MTFMT: variants seen among roughly 807,000 people sequenced by gnomAD.
MTFMT encodes the protein methionyl-tRNA formyltransferase, mitochondrial.
A neutral mutation model predicts 51.8 loss-of-function variants in MTFMT; 47 were observed. The ratio of observed to expected loss-of-function variants is 0.91; its 90% CI spans 0.72 to 1.16. MTFMT has a LOEUF of 1.16. Among genes scored for constraint, MTFMT ranks in the 50% most tolerant of loss-of-function variants. MTFMT has a pLI of 0.00. For missense variants in MTFMT, 512 were observed against 482.3 expected (o/e 1.06, Z -0.58); for synonymous variants, 196 against 176.7 (o/e 1.11, Z -0.87).
intron 2 of MTFMT, 102 bp downstream of exon 2, chr15:65,026,729 T>C: frequency 3.3e-6 from 3 of 915,520 alleles, no homozygotes; most frequent in Non-Finnish European, 4.9e-6. Flanking sequence ...AAAAAGAAAA[T>C]ATTACAGAAA....
Position 65,003,084 on chromosome 15 carries a change from G to C in MTFMT, c.1148C>G (p.Ala383Gly), listed in dbSNP as rs767859552. ...PTKKKQKKTV[A>G]MQQCIE ...TAACTACTCAATGCATTGTTGCATA[G>C]CAACAGTTTTTTTCTGCTTCTTCTT... Residue 383 changes from alanine to glycine, a missense_variant, in exon 9 of 9, where the codon GCT (alanine) becomes GGT (glycine). Transcript: ENST00000220058. The C allele has an allele frequency of 4.4e-6, 7 of 1,602,730 alleles. No homozygotes were observed. Among genetic ancestry groups the C allele is most frequent in the Non-Finnish European group, 6.0e-6 (7 of 1,174,124 alleles).
chr15:65,016,618 T>C (rs2086324374), intron 5 of MTFMT, 91 bp from the exon 6 acceptor site: 1 of 719,422 alleles, frequency 1.4e-6, no homozygotes, highest in African/African-American at 1.8e-5. Flanking sequence ...TACCAGAGAA[T>C]TCATTCTAAC....
At chr15:65,010,748 T>C (rs1012119819) in intron 6 of MTFMT, among the ~76,000 whole-genome samples, 2 of 152,244 alleles carry the variant, frequency 1.3e-5, no homozygotes, top group African/African-American at 2.4e-5. Context: ...GGTCATAAGA[T>C]ACTTCTGTGT....
chr15:65,012,601 T>C (rs1265099858), intron 6 of MTFMT, among the ~76,000 whole-genome samples: 1 of 152,146 alleles, frequency 6.6e-6, no homozygotes. Flanking sequence ...GGTTTCACCA[T>C]GTTGGCCAGG....
At chr15:65,009,970 T>G (rs920234018) in intron 6 of MTFMT, among the ~76,000 whole-genome samples, 14 of 152,084 alleles carry the variant, frequency 9.2e-5, no homozygotes, top group African/African-American at 3.1e-4. Flanking sequence ...CTAACTGACC[T>G]CCACTCCACT....
chr15:65,021,415 T>C lies in MTFMT; in HGVS notation c.645+99A>G, dbSNP rs78247522. 0.014 allele frequency: 11,659 copies of C among 855,896 alleles called. 589 individuals carry two copies. Among genetic ancestry groups the C allele is most frequent in the South Asian group, 0.12 (7,534 of 64,468 alleles). The allele number at this position is 855,896 out of a possible 1,614,324, so 53.0% of individuals were successfully genotyped here. ...AAGATAGAAATTACTCTTTTTTGTT[T>C]TTAAGAAAATTAGAAGTCACAAAAT... On this transcript the variant is annotated intron_variant, in intron 4 of 8. Coordinates refer to ENST00000220058, the MANE Select transcript of MTFMT (RefSeq NM_139242.4).
chr15:65,028,582 A>G (rs959309962), intron 1 of MTFMT, among the ~76,000 whole-genome samples: 5 of 152,118 alleles, frequency 3.3e-5, no homozygotes, highest in Non-Finnish European at 7.4e-5. Context: ...TTGACGAAGG[A>G]TTCAATACAT....
intron 5 of MTFMT, among the ~76,000 whole-genome samples, chr15:65,018,795 T>TG (rs915935331): frequency 3.3e-5 from 5 of 152,098 alleles, no homozygotes; most frequent in Non-Finnish European, 5.9e-5. Context: ...ACACAATCAA[T>TG]GAAAATCTAC....
intron 6 of MTFMT, among the ~76,000 whole-genome samples, chr15:65,013,593 T>C (rs554638379): frequency 1.3e-5 from 2 of 152,316 alleles, no homozygotes; most frequent in East Asian, 1.9e-4. Flanking sequence ...TCTACTAATA[T>C]GATATGTTAC....
intron 6 of MTFMT, among the ~76,000 whole-genome samples, chr15:65,010,878 G>C (rs2086258365): frequency 6.6e-6 from 1 of 152,138 alleles, no homozygotes; most frequent in African/African-American, 2.4e-5. Flanking sequence ...GCCAACACTA[G>C]TTTTTGTCTG....
intron 2 of MTFMT, among the ~76,000 whole-genome samples, chr15:65,024,950 G>T (rs1161771253): frequency 6.6e-6 from 1 of 152,164 alleles, no homozygotes; most frequent in Non-Finnish European, 1.5e-5. Context: ...CAGGCAGAGG[G>T]AACATTAAGT....
chr15:65,003,176 G>C lies in MTFMT; in HGVS notation c.1056C>G (p.Pro352=), dbSNP rs759722937. The C allele has an allele frequency of 2.5e-5, 40 of 1,613,702 alleles. No homozygotes were observed. In the South Asian group the frequency reaches 3.8e-4, roughly 16 times the overall value. ...GAGCTTGGGAATTTTTCTGGTACCA[G>C]GGGTGCAAATATCCATTGTAGAAGT... ...ATDFYNGYLH[P]WYQKNSQAQP... The change falls in exon 9 of 9, where the codon CCC becomes CCG. Residue 352 remains proline (P), a synonymous_variant. Transcript: ENST00000220058.
rs1312288344 is a variant in MTFMT at position 65,021,583 on chromosome 15, A to T, written c.576T>A (p.Thr192=). ...FDVGPILKQE[T]VPVPPKSTAK... is the part of the protein sequence containing the mutation. ...CAGTGCTCTTGGGTGGCACAGGAAC[A>T]GTTTCTTGTTTGAGAATTGGGCCTA... is the stretch of plus-strand genomic sequence containing the variant. The change falls in exon 4 of 9, where the codon ACT becomes ACA. Residue 192 remains threonine, a synonymous_variant. Coordinates refer to ENST00000220058, the MANE Select transcript of MTFMT (RefSeq NM_139242.4). 1.9e-6 allele frequency: 3 copies of T among 1,593,688 alleles called. No individual in the cohort carries two copies. Among genetic ancestry groups the T allele is most frequent in the Non-Finnish European group, 1.7e-6 (2 of 1,164,462 alleles).
chr15:65,003,677 C>T (rs1042003119), intron 8 of MTFMT, among the ~76,000 whole-genome samples: 10 of 149,966 alleles, frequency 6.7e-5, no homozygotes, highest in African/African-American at 1.5e-4. Flanking sequence ...ACCAACATGG[C>T]GAAACCCCGT....
At chr15:65,019,440 T>TA (rs1406870501) in intron 5 of MTFMT, among the ~76,000 whole-genome samples, 7 of 151,632 alleles carry the variant, frequency 4.6e-5, no homozygotes, top group African/African-American at 7.3e-5. Context: ...CTAACTCTAC[T>TA]AAAAAAAACA....
At chr15:65,019,665 A>C (rs1401126399) in intron 5 of MTFMT, among the ~76,000 whole-genome samples, 2 of 152,164 alleles carry the variant, frequency 1.3e-5, no homozygotes, top group Non-Finnish European at 2.9e-5. Flanking sequence ...TTAGAGACTA[A>C]AGAGACATAA....
At position 65,016,108 on chromosome 15, in the gene MTFMT, T is replaced by C. The variant is rs112214598; in HGVS notation, c.813+328A>G. ...AGGATTAGGAGTGAGAAGATTTAAGTTCATTATTTAGTGACTGGACATTCC... is the reference window on the plus strand; with the variant it reads ...AGGATTAGGAGTGAGAAGATTTAAGCTCATTATTTAGTGACTGGACATTCC... On this transcript the variant is annotated intron_variant, in intron 6 of 8. Coordinates refer to ENST00000220058, the MANE Select transcript of MTFMT (RefSeq NM_139242.4). The C allele has an allele frequency of 7.8e-3, 1,291 of 164,718 alleles. 61 individuals carry two copies. In the South Asian group the frequency reaches 0.12, roughly 15 times the overall value. 10.2% of individuals were successfully genotyped at this position (164,718 alleles called of 1,614,324 possible).
intron 6 of MTFMT, among the ~76,000 whole-genome samples, chr15:65,009,009 A>T (rs975559514): frequency 6.6e-6 from 1 of 152,210 alleles, no homozygotes; most frequent in Admixed American, 6.5e-5. Flanking sequence ...TGCCATCATT[A>T]CTGCCAAAAT....
intron 6 of MTFMT, among the ~76,000 whole-genome samples, chr15:65,012,689 C>A (rs1210630806): frequency 1.3e-5 from 2 of 152,190 alleles, no homozygotes; most frequent in African/African-American, 4.8e-5. Context: ...CATAAGCCAT[C>A]ATGCCTGGCT....
Sources: gnomAD v4.1 joint callset for allele counts (sites outside exome capture counted in the v4.1 genomes callset) on GRCh38, gnomAD v4.1.1 for gene constraint, MANE v1.5 for transcripts, NCBI Gene and HGNC (gene_info 2026-07-23, HGNC 2026-07-21) for gene names.